Variants in ILF2 observed in about 807,000 individuals in gnomAD.
ILF2 encodes interleukin enhancer binding factor 2, also known as interleukin enhancer-binding factor 2.
A neutral mutation model predicts 55.3 loss-of-function variants in ILF2; 9 were observed. The ratio of observed to expected loss-of-function variants is 0.16; its 90% CI spans 0.10 to 0.28. ILF2 has a LOEUF of 0.28. Among genes scored for constraint, ILF2 ranks in the 10% least tolerant of loss-of-function variants. The pLI is 1.00. For missense variants in ILF2, 266 were observed against 474.9 expected, an observed-to-expected ratio of 0.56 and a Z score of 4.09; for synonymous variants, 151 against 161.8, an observed-to-expected ratio of 0.93 and a Z score of 0.50.
Position 153,663,079 on chromosome 1 carries a change from G to A in ILF2, c.861C>T (p.Ile287=). ...AGLFLPGSVG[I]TDPCESGNFR... is the part of the protein sequence containing the mutation. ...AGTTGCCACTCTCACAGGGGTCAGTGATACCCACTGAACCTGGCAGGAACA... is the reference window on the plus strand; with the variant it reads ...AGTTGCCACTCTCACAGGGGTCAGTAATACCCACTGAACCTGGCAGGAACA... Residue 287 remains isoleucine, a synonymous_variant, in exon 12 of 14, where the codon ATC becomes ATT. Coordinates refer to ENST00000361891, the MANE Select transcript of ILF2 (RefSeq NM_004515.4). 1 of 1,614,164 alleles carries A rather than the reference G, an allele frequency of 6.2e-7. No individual in the cohort carries two copies. Among genetic ancestry groups the A allele is most frequent in the Non-Finnish European group, 8.5e-7 (1 of 1,180,038 alleles).
intron 1 of ILF2, 117 bp downstream of exon 1, chr1:153,670,801 G>A (rs1170018575): frequency 2.4e-6 from 3 of 1,237,008 alleles, no homozygotes; most frequent in Non-Finnish European, 3.6e-6. Flanking sequence ...GAGTTCTCAG[G>A]TTTTTGGCCA....
intron 6 of ILF2, 28 bp from the exon 7 acceptor site, chr1:153,665,756 A>G (rs375528177): frequency 1.9e-5 from 30 of 1,553,994 alleles, no homozygotes; most frequent in Non-Finnish European, 2.6e-5. Context: ...ACATAATGTT[A>G]TAATAATTTA....
rs146352549 is a variant in ILF2 at position 153,669,721 on chromosome 1, C to G, written c.108+115G>C. The G allele has an allele frequency of 4.6e-6, 4 of 869,192 alleles. No individual in the cohort carries two copies. In the African/African-American group the frequency reaches 6.6e-5, roughly 14 times the overall value. 53.8% of individuals were successfully genotyped at this position (869,192 alleles called of 1,614,324 possible). A position where few individuals can be genotyped will look rare whatever the true frequency, so the allele number is the denominator to read the frequency against. ...CCTCCCAAAGTGCTGAGATTACAGG[C>G]GTGAGGCACTGTGTCTGCCCTCTTC... On this transcript the variant is annotated intron_variant, in intron 3 of 13. Transcript: ENST00000361891.
Position 153,664,139 on chromosome 1 carries a change from A to T in ILF2, c.657-9T>A. ...TGATGAGAACTTTAACTCTGAAAGTAATAGTGACCCAAACATTAAAATCAA... is the reference window on the plus strand; with the variant it reads ...TGATGAGAACTTTAACTCTGAAAGTTATAGTGACCCAAACATTAAAATCAA... On this transcript the variant is annotated splice_polypyrimidine_tract_variant and intron_variant, in intron 9 of 13. Coordinates refer to ENST00000361891, the MANE Select transcript of ILF2 (RefSeq NM_004515.4). 6.4e-7 allele frequency: 1 copy of T among 1,563,412 alleles called. No homozygotes were observed. The highest frequency in any genetic ancestry group is 1.1e-5 in the South Asian group (1 of 89,420).
intron 4 of ILF2, 102 bp from the exon 5 acceptor site, chr1:153,668,179 T>A: frequency 1.1e-6 from 1 of 899,156 alleles, no homozygotes; most frequent in Non-Finnish European, 1.7e-6. Flanking sequence ...GCTGACTCAA[T>A]ACTGACATAG....
In ILF2 at chr1:153,662,541, AT is replaced by A; in HGVS notation, c.1027del (p.Ile343TyrfsTer7). On this transcript the variant is annotated frameshift_variant, in exon 14 of 14. Coordinates refer to ENST00000361891, the MANE Select transcript of ILF2 (RefSeq NM_004515.4). LOFTEE classifies it high-confidence loss of function. ...EGDASYLASE[I>X]STWDGVIVTP... ...TACTATCACTCCATCCCAGGTAGAT[AT>A]TTCAGAAGCAAGATCTAGGAAAGAG... The A allele has an allele frequency of 6.2e-7, 1 of 1,614,008 alleles. No homozygotes were observed. Among genetic ancestry groups the A allele is most frequent in the South Asian group, 1.1e-5 (1 of 91,072 alleles).
intron 9 of ILF2, 63 bp from the exon 10 acceptor site, chr1:153,664,193 A>T: frequency 9.1e-7 from 1 of 1,103,564 alleles, no homozygotes; most frequent in Non-Finnish European, 1.4e-6. Context: ...TGCCTAAGGT[A>T]GAATTGAAGC....
At chr1:153,664,156 T>A (rs1198803343) in intron 9 of ILF2, 26 bp from the exon 10 acceptor site, 1 of 1,420,808 alleles carries the variant, frequency 7.0e-7, no homozygotes, top group Admixed American at 1.7e-5. Context: ...ACCCAAACAT[T>A]AAAATCAATA....
intron 6 of ILF2, among the ~76,000 whole-genome samples, chr1:153,666,329 G>A (rs896584411): frequency 1.3e-5 from 2 of 151,782 alleles, no homozygotes; most frequent in Non-Finnish European, 2.9e-5. Flanking sequence ...GATTACAGAC[G>A]CCCACCACCA....
At chr1:153,663,315 G>A in intron 10 of ILF2, 39 bp from the exon 11 acceptor site, 1 of 1,578,934 alleles carries the variant, frequency 6.3e-7, no homozygotes, top group Non-Finnish European at 8.7e-7. Flanking sequence ...CCATCAAAAT[G>A]GCACTTCTGA....
chr1:153,670,950 C>A lies in ILF2; in HGVS notation c.-28G>T, dbSNP rs751877993. 1.9e-6 allele frequency: 3 copies of A among 1,614,158 alleles called. No homozygotes were observed. Among genetic ancestry groups the A allele is most frequent in the Non-Finnish European group, 2.5e-6 (3 of 1,179,984 alleles). On this transcript the variant is annotated 5_prime_UTR_variant, in exon 1 of 14. Transcript: ENST00000361891. ...CGCCTTAAAACACGAACAATGGAGG[C>A]CGCACCAACCGCCCCTTCCTCTGAG...
intron 10 of ILF2, among the ~76,000 whole-genome samples, chr1:153,663,753 A>G (rs1669234232): frequency 6.6e-6 from 1 of 151,556 alleles, no homozygotes; most frequent in East Asian, 1.9e-4. Context: ...GGTAGCAGTC[A>G]TGAGAAGAAA....
In ILF2 at chr1:153,663,076, A is replaced by T; in HGVS notation, c.864T>A (p.Thr288=). 6.2e-7 allele frequency: 1 copy of T among 1,614,196 alleles called. No individual in the cohort carries two copies. Among genetic ancestry groups the T allele is most frequent in the Non-Finnish European group, 8.5e-7 (1 of 1,180,022 alleles). The change falls in exon 12 of 14, where the codon ACT becomes ACA. Residue 288 remains threonine (T), a synonymous_variant. Transcript: ENST00000361891. The part of the protein sequence containing the change: ...GLFLPGSVGI[T]DPCESGNFRV... Reference sequence around the variant, plus strand: ...TAAAGTTGCCACTCTCACAGGGGTCAGTGATACCCACTGAACCTGGCAGGA... The same window carrying T: ...TAAAGTTGCCACTCTCACAGGGGTCTGTGATACCCACTGAACCTGGCAGGA...
Position 153,668,440 on chromosome 1 carries a change from C to A in ILF2, c.213+13G>T, listed in dbSNP as rs1669362069. 1.2e-6 allele frequency: 2 copies of A among 1,614,042 alleles called. No homozygotes were observed. The highest frequency in any genetic ancestry group is 2.2e-5 in the South Asian group (2 of 91,058). ...TTTAGAGACATTTCTGGAAGACAGC[C>A]AAAAGAACATACCTGTTCAGCAGAA... On this transcript the variant is annotated intron_variant, in intron 4 of 13. Transcript: ENST00000361891.
intron 10 of ILF2, 61 bp from the exon 11 acceptor site, chr1:153,663,337 TTA>T: frequency 6.7e-7 from 1 of 1,484,784 alleles, no homozygotes; most frequent in Non-Finnish European, 9.4e-7. Context: ...AACTAGAACT[TTA>T]TTTTTTAGAG....
chr1:153,670,876 C>T, intron 1 of ILF2, 42 bp downstream of exon 1: 2 of 1,613,210 alleles, frequency 1.2e-6, no homozygotes, highest in Non-Finnish European at 1.7e-6. Context: ...CAAAGTTTTC[C>T]GTCGAATACC....
At chr1:153,670,261 TGAAG>T in intron 1 of ILF2, 31 bp from the exon 2 acceptor site, 1 of 1,609,310 alleles carries the variant, frequency 6.2e-7, no homozygotes, top group South Asian at 1.1e-5. Context: ...TTGACCTCAT[TGAAG>T]GAATACCCAC....
At chr1:153,666,695 T>C (rs1364042104) in intron 6 of ILF2, among the ~76,000 whole-genome samples, 1 of 152,232 alleles carries the variant, frequency 6.6e-6, no homozygotes, top group Non-Finnish European at 1.5e-5. Context: ...CAATCAAAAG[T>C]ACCGCCAGAT....
At chr1:153,670,837 AT>A (rs1271437830) in intron 1 of ILF2, 80 bp downstream of exon 1, 1 of 1,550,164 alleles carries the variant, frequency 6.5e-7, no homozygotes, top group Non-Finnish European at 8.9e-7. Context: ...GCCCTTTCTG[AT>A]ACTCCGACTT....
Sources: gnomAD v4.1 joint callset for allele counts (sites outside exome capture counted in the v4.1 genomes callset) on GRCh38, gnomAD v4.1.1 for gene constraint, MANE v1.5 for transcripts, NCBI Gene and HGNC (gene_info 2026-07-23, HGNC 2026-07-21) for gene names.